Variants in VPS13B observed in about 807,000 individuals in gnomAD.
VPS13B encodes intermembrane lipid transfer protein VPS13B.
Under a neutral mutation model 426.4 loss-of-function variants are expected in VPS13B, and 285 were observed. The ratio of observed to expected loss-of-function variants is 0.67; its 90% CI spans 0.61 to 0.74. The LOEUF is 0.74. VPS13B is among the 30% of genes least tolerant of loss of function. The pLI, the probability that VPS13B is intolerant of heterozygous loss-of-function variation, is 0.00. For missense variants in VPS13B, 4,537 were observed against 4,782.6 expected, an observed-to-expected ratio of 0.95 and a Z score of 1.51; for synonymous variants, 1,676 against 1,676.4, an observed-to-expected ratio of 1.00 and a Z score of 0.01.
chr8:99,495,204 G>A (rs547309965), intron 25 of VPS13B, among the ~76,000 whole-genome samples: 1 of 152,078 alleles, frequency 6.6e-6, no homozygotes, highest in African/African-American at 2.4e-5. Flanking sequence ...GAATAATTTT[G>A]GAATACTAAC....
chr8:99,348,948 G>T (rs2133205663), intron 19 of VPS13B, among the ~76,000 whole-genome samples: 1 of 152,138 alleles, frequency 6.6e-6, no homozygotes, highest in East Asian at 1.9e-4. Context: ...AACACTTCAA[G>T]TATGTCAGTT....
In VPS13B at chr8:99,853,604, CCCTGGGGAAGAG is replaced by C; in HGVS notation, c.10220_10231del (p.Gly3407_Pro3410del). The C allele has an allele frequency of 6.2e-7, 1 of 1,614,178 alleles. No individual in the cohort carries two copies. Among genetic ancestry groups the C allele is most frequent in the Non-Finnish European group, 8.5e-7 (1 of 1,180,026 alleles). ...GTGTGGCCCCGGGAGCTGGTCCCCT[CCCTGGGGAAGAG>C]CCTGTGGCTGCGTTGTTTGAACTTT... On this transcript the variant is annotated inframe_deletion, in exon 56 of 62. Transcript: ENST00000357162.
intron 16 of VPS13B, among the ~76,000 whole-genome samples, chr8:99,184,755 C>T (rs1813125017): frequency 6.6e-6 from 1 of 152,196 alleles, no homozygotes. Context: ...CTTTGGGAGG[C>T]AGATGCTGGT....
chr8:99,412,048 A>G (rs559028621), intron 21 of VPS13B, among the ~76,000 whole-genome samples: 2 of 152,322 alleles, frequency 1.3e-5, no homozygotes, highest in African/African-American at 4.8e-5. Context: ...TTGCAGTTCC[A>G]TATGAAATTT....
intron 21 of VPS13B, among the ~76,000 whole-genome samples, chr8:99,411,527 A>T (rs1410952634): frequency 6.6e-6 from 1 of 152,164 alleles, no homozygotes; most frequent in East Asian, 1.9e-4. Context: ...GTTCACTCCG[A>T]TGATAGTTTC....
intron 43 of VPS13B, among the ~76,000 whole-genome samples, chr8:99,807,317 T>C (rs530248159): frequency 6.6e-6 from 1 of 152,328 alleles, no homozygotes; most frequent in African/African-American, 2.4e-5. Flanking sequence ...AATGTGAACA[T>C]TCCTCACTTA....
intron 23 of VPS13B, among the ~76,000 whole-genome samples, chr8:99,466,670 A>G (rs2133508065): frequency 6.6e-6 from 1 of 152,306 alleles, no homozygotes; most frequent in South Asian, 2.1e-4. Context: ...TTTTTTATCA[A>G]GTGCATTTTA....
intron 19 of VPS13B, 92 bp from the exon 20 acceptor site, chr8:99,384,116 A>G: frequency 9.7e-7 from 1 of 1,028,818 alleles, no homozygotes. Context: ...TTTGTCTGTT[A>G]TGTCATAGCT....
At chr8:99,510,801 C>T (rs72674637) in intron 28 of VPS13B, among the ~76,000 whole-genome samples, 2 of 152,234 alleles carry the variant, frequency 1.3e-5, no homozygotes, top group African/African-American at 2.4e-5. Flanking sequence ...CATGAGCTAC[C>T]CCAGCCTCAA....
In VPS13B at chr8:99,835,611, A is replaced by G. The variant is rs1213369639; in HGVS notation, c.9815A>G (p.Gln3272Arg). ...TCAATTCATCATGAGCTGTATCATC[A>G]GATTTCCAGTTATCCGGACTGCAAG... is the stretch of plus-strand genomic sequence containing the variant. ...ECSIHHELYH[Q>R]ISSYPDCKTK... is the part of the protein sequence containing the mutation. Residue 3272 changes from glutamine to arginine, a missense_variant, in exon 54 of 62, where the codon CAG becomes CGG. Coordinates refer to ENST00000357162, the MANE Select transcript of VPS13B (RefSeq NM_152564.5). 1.2e-6 allele frequency: 2 copies of G among 1,614,058 alleles called. No homozygotes were observed. Among genetic ancestry groups the G allele is most frequent in the Non-Finnish European group, 1.7e-6 (2 of 1,180,034 alleles).
At chr8:99,704,068 C>T (rs555391009) in intron 36 of VPS13B, among the ~76,000 whole-genome samples, 1 of 152,090 alleles carries the variant, frequency 6.6e-6, no homozygotes, top group Admixed American at 6.6e-5. Flanking sequence ...GATCCCCTGT[C>T]CATAAGGACT....
At chr8:99,453,090 G>C (rs1327330031) in intron 23 of VPS13B, among the ~76,000 whole-genome samples, 1 of 152,194 alleles carries the variant, frequency 6.6e-6, no homozygotes, top group Non-Finnish European at 1.5e-5. Context: ...GCTGTTGTTG[G>C]ATTTAGTGAG....
chr8:99,854,123 C>G lies in VPS13B; in HGVS notation c.10734C>G (p.Leu3578=). The part of the protein sequence containing the change: ...VNLLVSIHAS[L]KLYIASDHTP... ...TGCTCGTCAGCATCCACGCTTCCCT[C>G]AAGCTGTACATAGCCTCAGACCACA... Residue 3578 remains leucine, a synonymous_variant, in exon 56 of 62, where the codon CTC becomes CTG. Transcript: ENST00000357162. 1 of 1,613,266 alleles carries G rather than the reference C, an allele frequency of 6.2e-7. No individual in the cohort carries two copies. The highest frequency in any genetic ancestry group is 2.2e-5 in the East Asian group (1 of 44,824).
chr8:99,038,357 A>G (rs1842833679), intron 2 of VPS13B, 66 bp from the exon 3 acceptor site: 1 of 1,317,728 alleles, frequency 7.6e-7, no homozygotes, highest in African/African-American at 1.5e-5. Context: ...TAAAAAAGAA[A>G]TTTGCATATT....
At chr8:99,415,875 G>C (rs970193107) in intron 21 of VPS13B, among the ~76,000 whole-genome samples, 3 of 152,198 alleles carry the variant, frequency 2.0e-5, no homozygotes, top group African/African-American at 7.2e-5. Context: ...GTGTCTCCCA[G>C]TCAGGAAGCA....
chr8:99,160,027 A>G (rs576183076), intron 15 of VPS13B, among the ~76,000 whole-genome samples: 2 of 151,968 alleles, frequency 1.3e-5, no homozygotes, highest in African/African-American at 4.8e-5. Context: ...CACTTAATAG[A>G]CTACAGTATA....
chr8:99,300,909 A>T (rs1820327307), intron 19 of VPS13B, among the ~76,000 whole-genome samples: 1 of 149,016 alleles, frequency 6.7e-6, no homozygotes, highest in South Asian at 2.1e-4. Flanking sequence ...TGGTAAACCA[A>T]GTTCTGCACA....
intron 52 of VPS13B, among the ~76,000 whole-genome samples, chr8:99,834,538 T>A (rs1462498021): frequency 7.5e-6 from 1 of 133,934 alleles, no homozygotes; most frequent in East Asian, 2.5e-4. Flanking sequence ...CTCTTATTTT[T>A]ATTTTTTATT....
At chr8:99,859,523 C>T (rs1816721570) in intron 57 of VPS13B, 43 bp downstream of exon 57, 16 of 1,473,900 alleles carry the variant, frequency 1.1e-5, no homozygotes, top group South Asian at 2.4e-5. Flanking sequence ...CACTCCTTCC[C>T]TTTTTTTTTT....
Sources: gnomAD v4.1 joint callset for allele counts (sites outside exome capture counted in the v4.1 genomes callset) on GRCh38, gnomAD v4.1.1 for gene constraint, MANE v1.5 for transcripts, NCBI Gene and HGNC (gene_info 2026-07-23, HGNC 2026-07-21) for gene names.